The following SLC25A27 variants were observed in gnomAD, a reference collection of about 807,000 sequenced individuals.
The protein encoded by SLC25A27 is mitochondrial uncoupling protein 4.
In SLC25A27, 35 loss-of-function variants were observed where a neutral mutation model predicts 49.1. The observed-to-expected ratio is 0.71, with a 90% CI of 0.54 to 0.95. SLC25A27 has a LOEUF of 0.95. SLC25A27 is among the 40% of genes least tolerant of loss of function. The pLI is 0.00. For missense variants in SLC25A27, 339 were observed against 397.1 expected, an observed-to-expected ratio of 0.85 and a Z score of 1.24; for synonymous variants, 144 against 136.9, an observed-to-expected ratio of 1.05 and a Z score of -0.36.
intron 1 of SLC25A27, 149 bp from the exon 2 acceptor site, chr6:46,655,694 T>G (rs533685055): frequency 2.3e-4 from 158 of 673,754 alleles, no homozygotes; most frequent in Non-Finnish European, 3.4e-4. Context: ...CTAGGAAATT[T>G]CTAATTTTTA....
At chr6:46,665,673 G>A (rs1763303157) in intron 5 of SLC25A27, among the ~76,000 whole-genome samples, 1 of 151,708 alleles carries the variant, frequency 6.6e-6, no homozygotes. Context: ...GCAACAGAGC[G>A]AGACTCCATC....
At chr6:46,671,072 CAT>C in intron 7 of SLC25A27, 52 bp from the exon 8 acceptor site, 1 of 1,185,262 alleles carries the variant, frequency 8.4e-7, no homozygotes, top group South Asian at 1.3e-5. Context: ...TTTTTATGTA[CAT>C]ATATATTTTT....
chr6:46,667,238 G>C (rs1422494267), intron 5 of SLC25A27, among the ~76,000 whole-genome samples: 1 of 151,868 alleles, frequency 6.6e-6, no homozygotes, highest in African/African-American at 2.4e-5. Context: ...TTCCATATTC[G>C]GTTTGCTGGC....
chr6:46,674,416 C>G (rs557557639), intron 8 of SLC25A27, among the ~76,000 whole-genome samples: 2 of 152,184 alleles, frequency 1.3e-5, no homozygotes, highest in East Asian at 3.9e-4. Context: ...CTTACTGATA[C>G]AATATACTGA....
intron 2 of SLC25A27, 23 bp downstream of exon 2, chr6:46,656,057 G>C (rs1387808383): frequency 1.9e-6 from 3 of 1,583,286 alleles, no homozygotes; most frequent in African/African-American, 1.4e-5. Flanking sequence ...ATTCTAGCTG[G>C]TAAGTTTGTT....
chr6:46,657,143 G>A (rs1489843428), intron 2 of SLC25A27, among the ~76,000 whole-genome samples: 2 of 152,094 alleles, frequency 1.3e-5, no homozygotes, highest in Non-Finnish European at 2.9e-5. Flanking sequence ...TCCAGCCTGG[G>A]TAACAAAACA....
chr6:46,654,186 T>G lies in SLC25A27; in HGVS notation c.106+888T>G, dbSNP rs1762884433. ...CCTGTGAAGCCTTAACTGTGTATTT[T>G]AAGATTACCCTTACATTTTCTTGCC... On this transcript the variant is annotated intron_variant, in intron 1 of 8. Coordinates refer to ENST00000371347, the MANE Select transcript of SLC25A27 (RefSeq NM_004277.5). 5 of 923,926 alleles carry G rather than the reference T, an allele frequency of 5.4e-6. No individual in the cohort carries two copies. The South Asian group carries it at 2.5e-4, about 46-fold the overall frequency. 57.2% of individuals were successfully genotyped at this position (923,926 alleles called of 1,614,324 possible).
chr6:46,653,340 C>G, intron 1 of SLC25A27, 42 bp downstream of exon 1: 2 of 1,578,774 alleles, frequency 1.3e-6, no homozygotes, highest in African/African-American at 1.4e-5. Context: ...GCCAGTGGCA[C>G]GCGCCGCGCT....
At chr6:46,671,631 A>T (rs1167590550) in intron 8 of SLC25A27, among the ~76,000 whole-genome samples, 1 of 152,072 alleles carries the variant, frequency 6.6e-6, no homozygotes, top group African/African-American at 2.4e-5. Context: ...TTGATAGCAG[A>T]TGTTACATTA....
chr6:46,670,488 A>G (rs555300165), intron 7 of SLC25A27: 23 of 378,290 alleles, frequency 6.1e-5, no homozygotes, highest in African/African-American at 4.5e-4. Context: ...TGTTAAAAGC[A>G]TATTCTGCTG....
chr6:46,657,451 G>A lies in SLC25A27; in HGVS notation c.298+1417G>A, dbSNP rs964668416. ...GCACTCCAACCTGGGTGACAAGAGCGAAACTCTGTCTCAAAAAAATAAAAA... is the reference window on the plus strand; with the variant it reads ...GCACTCCAACCTGGGTGACAAGAGCAAAACTCTGTCTCAAAAAAATAAAAA... On this transcript the variant is annotated intron_variant, in intron 2 of 8. Transcript: ENST00000371347. Among the ~76,000 whole-genome samples the A allele has an allele frequency of 5.9e-4, 90 of 152,104 alleles. No homozygotes were observed. In the Middle Eastern group the frequency reaches 0.01, roughly 17 times the overall value.
chr6:46,671,089 A>G (rs1201591291), intron 7 of SLC25A27, 37 bp from the exon 8 acceptor site: 2 of 1,338,166 alleles, frequency 1.5e-6, no homozygotes, highest in Admixed American at 4.2e-5. Flanking sequence ...ATTTTTTTAC[A>G]CAGAAAAAAA....
At chr6:46,668,454 C>T (rs975820188) in intron 5 of SLC25A27, among the ~76,000 whole-genome samples, 1 of 152,110 alleles carries the variant, frequency 6.6e-6, no homozygotes, top group African/African-American at 2.4e-5. Context: ...AATTTATTGG[C>T]TCAAATACTG....
At chr6:46,664,680 TC>T in intron 4 of SLC25A27, 93 bp from the exon 5 acceptor site, 1 of 530,948 alleles carries the variant, frequency 1.9e-6, no homozygotes, top group Non-Finnish European at 3.2e-6. Flanking sequence ...TGTTATTTAC[TC>T]CAGATTATAA....
rs1763799326 is a variant in SLC25A27 at position 46,676,564 on chromosome 6, C to T, written c.*110C>T. On this transcript the variant is annotated 3_prime_UTR_variant, in exon 9 of 9. Coordinates refer to ENST00000371347, the MANE Select transcript of SLC25A27 (RefSeq NM_004277.5). The stretch of plus-strand genomic sequence containing the variant: ...TACCTCTTTAGGAAGACACCTATTC[C>T]ACAGAGACTGATTTATAGGGGGCAG... 2 of 1,594,462 alleles carry T rather than the reference C, an allele frequency of 1.3e-6. No homozygotes were observed. The highest frequency in any genetic ancestry group is 1.7e-6 in the Non-Finnish European group (2 of 1,169,124).
At chr6:46,653,626 A>C (rs1762850354) in intron 1 of SLC25A27, 2 of 985,210 alleles carry the variant, frequency 2.0e-6, no homozygotes, top group South Asian at 9.4e-5. Context: ...TTAAAAACGT[A>C]ATCTGTTTTC....
At position 46,653,146 on chromosome 6, in the gene SLC25A27, A is replaced by G. The variant is rs1358616527; in HGVS notation, c.-47A>G. 1.3e-6 allele frequency: 2 copies of G among 1,544,494 alleles called. No homozygotes were observed. Among genetic ancestry groups the G allele is most frequent in the Admixed American group, 1.7e-5 (1 of 57,914 alleles). On this transcript the variant is annotated 5_prime_UTR_variant, in exon 1 of 9. Transcript: ENST00000371347. The stretch of plus-strand genomic sequence containing the variant: ...GGAAGCGGCCGCCGCGGCGCGGTGC[A>G]GCGCAGCGGCGAGAAGGAGTGCGTT...
chr6:46,654,154 T>C, intron 1 of SLC25A27: 1 of 979,570 alleles, frequency 1.0e-6, no homozygotes, highest in Non-Finnish European at 1.2e-6. Flanking sequence ...AGTATACTCA[T>C]GTGTTTCCTG....
rs1284667997 is a variant in SLC25A27 at position 46,668,711 on chromosome 6, T to G, written c.622T>G (p.Leu208Val). 3 of 1,588,484 alleles carry G rather than the reference T, an allele frequency of 1.9e-6. No homozygotes were observed. The South Asian group carries it at 3.3e-5, about 18-fold the overall frequency. Residue 208 changes from leucine to valine, a missense_variant and splice_region_variant, in exon 6 of 9, where the codon TTA becomes GTA. Leu to Val is a conservative substitution (Grantham distance 32). Coordinates refer to ENST00000371347, the MANE Select transcript of SLC25A27 (RefSeq NM_004277.5). ...ATTTAAACTTTTTCCATTGCCAGAT[T>G]TAACCACTTATGATACAGTGAAACA... The part of the protein sequence containing the change: ...QRAALVNMGD[L>V]TTYDTVKHYL...
Sources: gnomAD v4.1 joint callset for allele counts (sites outside exome capture counted in the v4.1 genomes callset) on GRCh38, gnomAD v4.1.1 for gene constraint, MANE v1.5 for transcripts, NCBI Gene and HGNC (gene_info 2026-07-23, HGNC 2026-07-21) for gene names.